Variants in CDH12 observed in about 807,000 individuals in gnomAD.
CDH12 encodes the protein cadherin-12.
Under a neutral mutation model 74.1 loss-of-function variants are expected in CDH12, and 41 were observed. The ratio of observed to expected loss-of-function variants is 0.55; its 90% CI spans 0.43 to 0.72. CDH12 has a LOEUF of 0.72. Among genes scored for constraint, CDH12 ranks in the 30% least tolerant of loss-of-function variants. The pLI, the probability that CDH12 is intolerant of heterozygous loss-of-function variation, is 0.00. For missense variants in CDH12, 945 were observed against 977.2 expected (o/e 0.97, Z 0.44); for synonymous variants, 399 against 355.0 (o/e 1.12, Z -1.39).
intron 1 of CDH12, among the ~76,000 whole-genome samples, chr5:22,709,150 A>T (rs1475123245): frequency 2.6e-5 from 4 of 152,186 alleles, no homozygotes; most frequent in Non-Finnish European, 4.4e-5. Flanking sequence ...GGGAAGAGAG[A>T]GAGTGGCCAC....
At chr5:22,030,589 C>T (rs1738750206) in intron 5 of CDH12, among the ~76,000 whole-genome samples, 1 of 152,136 alleles carries the variant, frequency 6.6e-6, no homozygotes, top group South Asian at 2.1e-4. Flanking sequence ...TTAGATTTAA[C>T]ACAACTTTTA....
intron 6 of CDH12, among the ~76,000 whole-genome samples, chr5:21,899,823 CTG>C (rs1443315157): frequency 1.3e-4 from 19 of 151,482 alleles, no homozygotes; most frequent in Admixed American, 6.6e-4. Flanking sequence ...ATACTAAATG[CTG>C]TGTGTTTATT....
intron 7 of CDH12, among the ~76,000 whole-genome samples, chr5:21,851,795 G>C (rs1750481163): frequency 6.6e-6 from 1 of 151,266 alleles, no homozygotes. Context: ...TATCCACTTA[G>C]ATAGAGATGC....
chr5:21,793,815 A>T (rs1296380140), intron 10 of CDH12, among the ~76,000 whole-genome samples: 1 of 151,620 alleles, frequency 6.6e-6, no homozygotes, highest in East Asian at 1.9e-4. Flanking sequence ...GGAACAGCTT[A>T]TGAAATGATT....
chr5:22,075,036 A>C (rs1446683625), intron 5 of CDH12, among the ~76,000 whole-genome samples: 1 of 152,140 alleles, frequency 6.6e-6, no homozygotes, highest in Non-Finnish European at 1.5e-5. Context: ...CACTATTCAC[A>C]ATAGCAAAGA....
intron 2 of CDH12, among the ~76,000 whole-genome samples, chr5:22,410,595 C>G (rs1743132138): frequency 6.6e-6 from 1 of 151,986 alleles, no homozygotes; most frequent in Admixed American, 6.6e-5. Flanking sequence ...ATATTTGGGT[C>G]TTTGTTCTGA....
chr5:21,807,505 C>CA (rs1316790749), intron 9 of CDH12, among the ~76,000 whole-genome samples: 3 of 152,018 alleles, frequency 2.0e-5, no homozygotes, highest in Admixed American at 6.6e-5. Context: ...GTCCAGGTCA[C>CA]AAAAAACTAA....
intron 3 of CDH12, among the ~76,000 whole-genome samples, chr5:22,279,069 G>T (rs1736762697): frequency 6.6e-6 from 1 of 151,942 alleles, no homozygotes; most frequent in Non-Finnish European, 1.5e-5. Context: ...CATAATTATA[G>T]ATAAATATTT....
intron 2 of CDH12, among the ~76,000 whole-genome samples, chr5:22,421,117 T>A (rs769793211): frequency 6.6e-6 from 1 of 152,184 alleles, no homozygotes. Context: ...TTTCTAGATA[T>A]AGGATCATGT....
chr5:21,979,881 G>C lies in CDH12; in HGVS notation c.232-4496C>G, dbSNP rs996534772. 3.4e-4 allele frequency among the ~76,000 whole-genome samples: 51 copies of C among 151,574 alleles called. 1 individual carries two copies. Among genetic ancestry groups the C allele is most frequent in the African/African-American group, 1.2e-3 (48 of 41,346 alleles). ...CGCCACACTGACTTCCACAATGGTT[G>C]AACTAGTTTACAGTCCCACCAACAG... On this transcript the variant is annotated intron_variant, in intron 5 of 14. Transcript: ENST00000382254.
chr5:22,720,496 C>A (rs1380567501), intron 1 of CDH12, among the ~76,000 whole-genome samples: 1 of 152,124 alleles, frequency 6.6e-6, no homozygotes, highest in East Asian at 1.9e-4. Flanking sequence ...GAAATTGGTG[C>A]TGCAGAGAGT....
intron 12 of CDH12, 108 bp downstream of exon 12, chr5:21,764,870 T>C (rs111722614): frequency 9.7e-7 from 1 of 1,031,902 alleles, no homozygotes. Context: ...ATGAAAGCTC[T>C]GATTCAGAAA....
chr5:22,805,424 T>G (rs1216421024), intron 1 of CDH12, among the ~76,000 whole-genome samples: 1 of 151,974 alleles, frequency 6.6e-6, no homozygotes, highest in Non-Finnish European at 1.5e-5. Flanking sequence ...AAAATAAGAA[T>G]AATAATTACA....
At chr5:21,902,430 T>C (rs1401099086) in intron 6 of CDH12, among the ~76,000 whole-genome samples, 1 of 151,902 alleles carries the variant, frequency 6.6e-6, no homozygotes, top group South Asian at 2.1e-4. Flanking sequence ...ATGCAGAGAG[T>C]TTTTGAGAAA....
At chr5:22,827,434 T>G (rs1736394759) in intron 1 of CDH12, among the ~76,000 whole-genome samples, 1 of 152,182 alleles carries the variant, frequency 6.6e-6, no homozygotes, top group African/African-American at 2.4e-5. Flanking sequence ...TTTATAAGAC[T>G]GTAAAGAGGT....
chr5:22,826,833 A>G (rs1216667835), intron 1 of CDH12, among the ~76,000 whole-genome samples: 1 of 152,206 alleles, frequency 6.6e-6, no homozygotes, highest in Admixed American at 6.5e-5. Context: ...GGAGCTGTTA[A>G]AGGCATTCTG....
intron 6 of CDH12, among the ~76,000 whole-genome samples, chr5:21,962,545 T>A (rs572368389): frequency 1.3e-5 from 2 of 152,274 alleles, no homozygotes; most frequent in South Asian, 4.1e-4. Context: ...TATTGACTGC[T>A]TTTTTCCCCT....
intron 1 of CDH12, among the ~76,000 whole-genome samples, chr5:22,849,239 A>C (rs564216110): frequency 2.0e-5 from 3 of 152,272 alleles, no homozygotes; most frequent in Admixed American, 2.0e-4. Context: ...AAAGTTAAAT[A>C]ACTTTTCCCA....
At chr5:22,170,008 T>C (rs1055867179) in intron 4 of CDH12, among the ~76,000 whole-genome samples, 4 of 151,900 alleles carry the variant, frequency 2.6e-5, no homozygotes, top group Non-Finnish European at 5.9e-5. Flanking sequence ...CTAATTGAAA[T>C]AAACCACTAC....
Sources: gnomAD v4.1 joint callset for allele counts (sites outside exome capture counted in the v4.1 genomes callset) on GRCh38, gnomAD v4.1.1 for gene constraint, MANE v1.5 for transcripts, NCBI Gene and HGNC (gene_info 2026-07-23, HGNC 2026-07-21) for gene names.